The following SIMC1 variants were observed in gnomAD, a reference collection of about 807,000 sequenced individuals.
SIMC1 encodes SUMO-interacting motif-containing protein 1.
A neutral mutation model predicts 82.3 loss-of-function variants in SIMC1; 55 were observed. That is an observed-to-expected ratio of 0.67 (90% confidence interval 0.54 to 0.84). The LOEUF is 0.84. Among genes scored for constraint, SIMC1 ranks in the 40% least tolerant of loss-of-function variants. The pLI is 0.00. For missense variants in SIMC1, 915 were observed against 1,107.2 expected (o/e 0.83, Z 2.46); for synonymous variants, 353 against 426.3 (o/e 0.83, Z 2.12).
intron 1 of SIMC1, among the ~76,000 whole-genome samples, chr5:176,287,580 G>A (rs1194649872): frequency 6.6e-6 from 1 of 151,654 alleles, no homozygotes; most frequent in Non-Finnish European, 1.5e-5. Context: ...GTACACATAT[G>A]TAACAAACCT....
At chr5:176,344,657 GAATA>G (rs1163780742) in intron 9 of SIMC1, among the ~76,000 whole-genome samples, 1 of 152,140 alleles carries the variant, frequency 6.6e-6, no homozygotes, top group Non-Finnish European at 1.5e-5. Context: ...GGCCACAGCA[GAATA>G]AAGAGTGAGG....
chr5:176,270,949 G>A (rs560438609), intron 1 of SIMC1, among the ~76,000 whole-genome samples: 1 of 152,338 alleles, frequency 6.6e-6, no homozygotes, highest in South Asian at 2.1e-4. Context: ...GTTGGGCTCA[G>A]AGCCAGTGGA....
At chr5:176,250,912 C>T (rs543365444) in intron 1 of SIMC1, among the ~76,000 whole-genome samples, 66 of 152,264 alleles carry the variant, frequency 4.3e-4, no homozygotes, top group Non-Finnish European at 9.0e-4. Flanking sequence ...GACTCTTTAT[C>T]CAATTTGCCA....
intron 1 of SIMC1, among the ~76,000 whole-genome samples, chr5:176,252,285 G>A (rs1004059101): frequency 2.6e-5 from 4 of 151,912 alleles, no homozygotes; most frequent in East Asian, 1.9e-4. Flanking sequence ...CCTCCGTCCC[G>A]GACGTGGTGG....
At chr5:176,291,125 A>G (rs1392979109) in intron 2 of SIMC1, among the ~76,000 whole-genome samples, 170 bp downstream of exon 2, 2 of 149,248 alleles carry the variant, frequency 1.3e-5, no homozygotes, top group Non-Finnish European at 1.5e-5. Context: ...TCTGGGTTCA[A>G]ATTTTAGCCC....
Position 176,294,671 on chromosome 5 carries a change from T to C in SIMC1, c.1432-359T>C, listed in dbSNP as rs546637106. Among the ~76,000 whole-genome samples, 3 of 151,622 alleles carry C rather than the reference T, an allele frequency of 2.0e-5. No homozygotes were observed. In the South Asian group the frequency reaches 6.3e-4, roughly 32 times the overall value. The stretch of plus-strand genomic sequence containing the variant: ...TAGAACCTCTTATTTTTGTATACTA[T>C]AGAAATCCCGGCTCGGCGCCGTGGC... On this transcript the variant is annotated intron_variant, in intron 2 of 9. Transcript: ENST00000429602.
chr5:176,315,576 C>T (rs1764865329), intron 5 of SIMC1, among the ~76,000 whole-genome samples: 1 of 152,162 alleles, frequency 6.6e-6, no homozygotes, highest in South Asian at 2.1e-4. Flanking sequence ...ACCAGCGTCT[C>T]TTTGTTCAGA....
chr5:176,326,466 C>A (rs140989769), intron 7 of SIMC1, among the ~76,000 whole-genome samples: 2,258 of 152,038 alleles, frequency 0.015, 21 homozygotes, highest in Non-Finnish European at 0.02. Flanking sequence ...CTCCTGGGCT[C>A]AAGCAATCCT....
chr5:176,257,511 T>A (rs1761885030), intron 1 of SIMC1, among the ~76,000 whole-genome samples: 1 of 151,762 alleles, frequency 6.6e-6, no homozygotes, highest in African/African-American at 2.4e-5. Context: ...AGAGTGAGAG[T>A]GGGGGTGCAA....
chr5:176,326,547 TATA>T (rs1765401541), intron 7 of SIMC1, among the ~76,000 whole-genome samples: 1 of 151,490 alleles, frequency 6.6e-6, no homozygotes, highest in Non-Finnish European at 1.5e-5. Flanking sequence ...TTATTTTTCT[TATA>T]ATGTTATCCC....
At chr5:176,313,578 C>G in intron 4 of SIMC1, 113 bp from the exon 5 acceptor site, 1 of 1,555,526 alleles carries the variant, frequency 6.4e-7, no homozygotes, top group Non-Finnish European at 8.8e-7. Flanking sequence ...TAAGCACAGG[C>G]ATACTTGTTG....
chr5:176,281,971 G>A (rs1248964817), intron 1 of SIMC1, among the ~76,000 whole-genome samples: 1 of 152,208 alleles, frequency 6.6e-6, no homozygotes, highest in Non-Finnish European at 1.5e-5. Flanking sequence ...CTGTCAGACA[G>A]GGACATTTAA....
chr5:176,246,551 A>T (rs957473347), intron 1 of SIMC1, among the ~76,000 whole-genome samples: 2 of 143,580 alleles, frequency 1.4e-5, no homozygotes, highest in African/African-American at 5.2e-5. Context: ...TGATTCTCCC[A>T]CTCAGCCTCC....
intron 5 of SIMC1, among the ~76,000 whole-genome samples, chr5:176,315,134 C>T (rs573787551): frequency 2.0e-5 from 3 of 152,278 alleles, no homozygotes; most frequent in Admixed American, 2.0e-4. Flanking sequence ...GGTTTATTGG[C>T]TTACAATTCT....
chr5:176,252,780 A>G (rs1388534450), intron 1 of SIMC1, among the ~76,000 whole-genome samples: 4 of 152,216 alleles, frequency 2.6e-5, no homozygotes, highest in East Asian at 3.9e-4. Flanking sequence ...TTGGGGGGCC[A>G]AGGCAGGCGG....
chr5:176,276,879 G>A (rs1238637470), intron 1 of SIMC1, among the ~76,000 whole-genome samples: 1 of 148,984 alleles, frequency 6.7e-6, no homozygotes, highest in Non-Finnish European at 1.5e-5. Context: ...CCAAGTCTTT[G>A]CTATTGTGAA....
intron 1 of SIMC1, among the ~76,000 whole-genome samples, chr5:176,269,721 C>T (rs563426227): frequency 3.9e-5 from 6 of 152,230 alleles, no homozygotes; most frequent in African/African-American, 1.4e-4. Flanking sequence ...TAGAAAATTA[C>T]AAATAAAAAT....
intron 1 of SIMC1, among the ~76,000 whole-genome samples, chr5:176,273,598 C>T (rs1384919065): frequency 2.0e-5 from 3 of 152,184 alleles, no homozygotes; most frequent in African/African-American, 7.2e-5. Flanking sequence ...TGGTGCACTG[C>T]ACCCAGTAAC....
chr5:176,308,858 T>C (rs1023857623), intron 4 of SIMC1: 1 of 1,283,514 alleles, frequency 7.8e-7, no homozygotes. Context: ...CCATAATGGC[T>C]CAGTGTTTAC....
Sources: gnomAD v4.1 joint callset for allele counts (sites outside exome capture counted in the v4.1 genomes callset) on GRCh38, gnomAD v4.1.1 for gene constraint, MANE v1.5 for transcripts, NCBI Gene and HGNC (gene_info 2026-07-23, HGNC 2026-07-21) for gene names.